VAV3: variants seen among roughly 807,000 people sequenced by gnomAD.
VAV3 encodes guanine nucleotide exchange factor VAV3.
A neutral mutation model predicts 131.2 loss-of-function variants in VAV3; 94 were observed. That is an observed-to-expected ratio of 0.72 (90% CI 0.61 to 0.85). The LOEUF (loss-of-function observed/expected upper bound fraction) is 0.85, where lower values mean the gene tolerates loss of function less well. VAV3 is among the 40% of genes least tolerant of loss of function. VAV3 has a pLI of 0.00. For synonymous variants in VAV3, 349 were observed against 342.0 expected, an observed-to-expected ratio of 1.02 and a Z score of -0.22; for missense variants, 939 against 1,002.7, an observed-to-expected ratio of 0.94 and a Z score of 0.86.
At position 107,785,678 on chromosome 1, in the gene VAV3, G is replaced by A. The variant is rs888616594; in HGVS notation, c.322-6186C>T. The A allele has an allele frequency of 1.1e-5, 12 of 1,109,058 alleles. No homozygotes were observed. In the African/African-American group the frequency reaches 2.1e-4, roughly 19 times the overall value. 68.7% of individuals were successfully genotyped at this position (1,109,058 alleles called of 1,614,324 possible). Reference sequence around the variant, plus strand: ...GTGGAGAAAAACTTGGGCCCCAGAAGAGGGAACTGGGAGTGTGGGCATGAG... The same window carrying A: ...GTGGAGAAAAACTTGGGCCCCAGAAAAGGGAACTGGGAGTGTGGGCATGAG... On this transcript the variant is annotated intron_variant, in intron 2 of 26. Coordinates refer to ENST00000370056, the MANE Select transcript of VAV3 (RefSeq NM_006113.5).
intron 19 of VAV3, among the ~76,000 whole-genome samples, chr1:107,671,965 A>T (rs78829564): frequency 0.13 from 20,291 of 152,220 alleles, 1,471 homozygotes; most frequent in Non-Finnish European, 0.16. Flanking sequence ...TTGTTATGCA[A>T]TAACAAAAAA....
chr1:107,778,360 T>C (rs1665483284), intron 3 of VAV3, among the ~76,000 whole-genome samples: 2 of 151,998 alleles, frequency 1.3e-5, no homozygotes, highest in African/African-American at 4.8e-5. Flanking sequence ...AATTTTGACT[T>C]ACGTTTTTTC....
At chr1:107,743,461 A>G (rs1249197248) in intron 15 of VAV3, among the ~76,000 whole-genome samples, 1 of 152,208 alleles carries the variant, frequency 6.6e-6, no homozygotes, top group Non-Finnish European at 1.5e-5. Flanking sequence ...AAAGGAAGAG[A>G]TGATTTGAAT....
chr1:107,727,300 C>CT (rs1490625022), intron 15 of VAV3, among the ~76,000 whole-genome samples: 1 of 152,190 alleles, frequency 6.6e-6, no homozygotes, highest in Non-Finnish European at 1.5e-5. Context: ...ACTAAAATGT[C>CT]TTTTCCATCC....
chr1:107,964,554 GAAGCAGGGCA>G (rs1358319041), intron 1 of VAV3, 102 bp downstream of exon 1: 11 of 1,230,924 alleles, frequency 8.9e-6, no homozygotes, highest in Non-Finnish European at 1.2e-5. Flanking sequence ...AGAAGGCTGG[GAAGCAGGGCA>G]AGCTCAGCGC....
intron 21 of VAV3, among the ~76,000 whole-genome samples, chr1:107,616,411 A>T (rs942948236): frequency 3.9e-5 from 6 of 152,270 alleles, no homozygotes; most frequent in African/African-American, 1.4e-4. Context: ...TGAGAAGGGA[A>T]CAACAGATTC....
chr1:107,585,422 T>C (rs944508833), intron 25 of VAV3, among the ~76,000 whole-genome samples: 1 of 152,102 alleles, frequency 6.6e-6, no homozygotes, highest in Non-Finnish European at 1.5e-5. Flanking sequence ...ACAGACCATG[T>C]TTCTCCTTTG....
At chr1:107,927,474 A>G (rs2101186438) in intron 1 of VAV3, among the ~76,000 whole-genome samples, 1 of 152,156 alleles carries the variant, frequency 6.6e-6, no homozygotes, top group South Asian at 2.1e-4. Context: ...CCACAGGGGG[A>G]TATAGTACCA....
At chr1:107,678,495 A>T (rs982822444) in intron 19 of VAV3, among the ~76,000 whole-genome samples, 1 of 152,172 alleles carries the variant, frequency 6.6e-6, no homozygotes, top group East Asian at 1.9e-4. Flanking sequence ...GTATTTTTAG[A>T]TAAGTGCATT....
intron 1 of VAV3, among the ~76,000 whole-genome samples, chr1:107,903,368 C>T (rs944155015): frequency 7.2e-5 from 11 of 152,100 alleles, no homozygotes; most frequent in Middle Eastern, 3.4e-3. Context: ...GCCAGAAATG[C>T]GCTACTCAAT....
At chr1:107,740,642 C>T (rs1289239999) in intron 15 of VAV3, among the ~76,000 whole-genome samples, 1 of 152,090 alleles carries the variant, frequency 6.6e-6, no homozygotes, top group East Asian at 1.9e-4. Flanking sequence ...CAAAAGGCCA[C>T]AGCGTGGTTT....
intron 1 of VAV3, chr1:107,963,696 G>C (rs1196760939): frequency 6.6e-6 from 1 of 152,224 alleles, no homozygotes; most frequent in Non-Finnish European, 1.5e-5. Context: ...GCTGAAATGT[G>C]TCAGGGAGAG....
chr1:107,575,135 T>A (rs140810478), intron 25 of VAV3, among the ~76,000 whole-genome samples: 16 of 152,296 alleles, frequency 1.1e-4, no homozygotes, highest in African/African-American at 3.8e-4. Flanking sequence ...TAGTCTCTAG[T>A]GTTTCATGGC....
intron 15 of VAV3, among the ~76,000 whole-genome samples, chr1:107,742,946 C>G (rs1663109949): frequency 1.3e-5 from 2 of 152,090 alleles, no homozygotes; most frequent in African/African-American, 4.8e-5. Flanking sequence ...ACATTTACAG[C>G]CAAGACCTGC....
chr1:107,894,417 C>T (rs1166350934), intron 1 of VAV3, among the ~76,000 whole-genome samples: 2 of 152,232 alleles, frequency 1.3e-5, no homozygotes, highest in South Asian at 2.1e-4. Flanking sequence ...TTCCTGACTA[C>T]GGCAAGTTTC....
At chr1:107,897,327 C>T (rs1461751720) in intron 1 of VAV3, 5 of 151,250 alleles carry the variant, frequency 3.3e-5, no homozygotes, top group Admixed American at 3.3e-4. Flanking sequence ...AAAAAGACCA[C>T]TGTGTCTTAA....
chr1:107,817,861 C>A (rs753369578), intron 2 of VAV3, among the ~76,000 whole-genome samples: 1 of 152,024 alleles, frequency 6.6e-6, no homozygotes, highest in African/African-American at 2.4e-5. Context: ...GTTTTCAGAG[C>A]GGAAAAAAAT....
At position 107,920,440 on chromosome 1, in the gene VAV3, C is replaced by T. The variant is rs186204248; in HGVS notation, c.204+44226G>A. On this transcript the variant is annotated intron_variant, in intron 1 of 26. Transcript: ENST00000370056. Reference sequence around the variant, plus strand: ...CCAAACCAAACCAAACAAAAACTTACGGGTGGTCCACCAAATATTGCCTTG... The same window carrying T: ...CCAAACCAAACCAAACAAAAACTTATGGGTGGTCCACCAAATATTGCCTTG... Among the ~76,000 whole-genome samples the T allele has an allele frequency of 1.4e-4, 21 of 152,282 alleles. No individual in the cohort carries two copies. In the East Asian group the frequency reaches 2.7e-3, roughly 20 times the overall value.
chr1:107,791,230 A>G (rs1370922777), intron 2 of VAV3, among the ~76,000 whole-genome samples: 1 of 151,040 alleles, frequency 6.6e-6, no homozygotes, highest in Admixed American at 6.6e-5. Context: ...CAGATTGCCA[A>G]TAGCCTTGTG....
Sources: gnomAD v4.1 joint callset for allele counts (sites outside exome capture counted in the v4.1 genomes callset) on GRCh38, gnomAD v4.1.1 for gene constraint, MANE v1.5 for transcripts, NCBI Gene and HGNC (gene_info 2026-07-23, HGNC 2026-07-21) for gene names.